The following PCSK5 variants were observed in gnomAD, a reference collection of about 807,000 sequenced individuals.
PCSK5 encodes proprotein convertase subtilisin/kexin type 5, also known as prohormone convertase 5.
A neutral mutation model predicts 233.2 loss-of-function variants in PCSK5; 129 were observed. That is an observed-to-expected ratio of 0.55 (90% CI 0.48 to 0.64). The LOEUF is 0.64. PCSK5 is among the 30% of genes least tolerant of loss of function. PCSK5 has a pLI of 0.00. For missense variants in PCSK5, 2,076 were observed against 2,430.1 expected (o/e 0.85, Z 3.06); for synonymous variants, 825 against 879.2 (o/e 0.94, Z 1.09).
chr9:76,320,599 G>A (rs532794397), intron 30 of PCSK5, among the ~76,000 whole-genome samples: 11 of 144,726 alleles, frequency 7.6e-5, no homozygotes, highest in East Asian at 2.2e-4. Context: ...TCAGCCTCCC[G>A]AGTAGCTGGG....
At chr9:75,896,077 C>T (rs1825788546) in intron 1 of PCSK5, among the ~76,000 whole-genome samples, 1 of 152,150 alleles carries the variant, frequency 6.6e-6, no homozygotes. Context: ...TGTGATATAT[C>T]TGGCTTTGCA....
rs187585763 is a variant in PCSK5, at chr9:75,902,989, T to C, written c.192+11616T>C. On this transcript the variant is annotated intron_variant, in intron 1 of 37. Transcript: ENST00000674117. ...AATATTTAAGGATGATTTTTTAAAA[T>C]GGTCTATACTATCTCACATTTTAGG... Among the ~76,000 whole-genome samples the C allele has an allele frequency of 2.6e-5, 4 of 152,370 alleles. No individual in the cohort carries two copies. The East Asian group carries it at 5.8e-4, about 22-fold the overall frequency.
rs757550088 is a variant in PCSK5, at chr9:76,040,325, GTCTCTCTCTCTCTC to G, written c.632+13334_632+13347del. ...TCTCACTCCCTTAGATGTGTTCTCT[GTCTCTCTCTCTCTC>G]TCTCTCTCTCTCTCTCTCTCTCTCT... On this transcript the variant is annotated intron_variant, in intron 5 of 37. Transcript: ENST00000674117. Among the ~76,000 whole-genome samples the G allele has an allele frequency of 7.8e-3, 618 of 78,994 alleles. 3 individuals are homozygous for G. The highest frequency in any genetic ancestry group is 0.019 in the African/African-American group (464 of 23,850). The allele number at this position is 78,994 out of a possible 152,430, so 51.8% of individuals were successfully genotyped here. A position where few individuals can be genotyped will look rare whatever the true frequency, so the allele number is the denominator to read the frequency against.
chr9:75,962,990 C>G (rs1326142772), intron 2 of PCSK5, among the ~76,000 whole-genome samples: 1 of 152,204 alleles, frequency 6.6e-6, no homozygotes, highest in Non-Finnish European at 1.5e-5. Context: ...AGAATGAAAC[C>G]TGAGTCCCAG....
chr9:76,303,547 A>G (rs1365192845), intron 28 of PCSK5, among the ~76,000 whole-genome samples: 1 of 152,224 alleles, frequency 6.6e-6, no homozygotes, highest in Non-Finnish European at 1.5e-5. Context: ...TGAAGCCTGG[A>G]CATAGAACAT....
At chr9:75,929,645 C>T (rs1823685919) in intron 1 of PCSK5, among the ~76,000 whole-genome samples, 1 of 151,716 alleles carries the variant, frequency 6.6e-6, no homozygotes, top group African/African-American at 2.4e-5. Flanking sequence ...GCCATCATAG[C>T]TAGTGTATTA....
chr9:75,911,339 GTC>G (rs975830446), intron 1 of PCSK5, among the ~76,000 whole-genome samples: 1 of 147,724 alleles, frequency 6.8e-6, no homozygotes, highest in African/African-American at 2.5e-5. Flanking sequence ...CCACTTTGTA[GTC>G]TCTCACCTGT....
intron 24 of PCSK5, among the ~76,000 whole-genome samples, chr9:76,241,190 C>A (rs1813423): frequency 0.53 from 80,591 of 152,046 alleles, 21,920 homozygotes; most frequent in East Asian, 0.75. Flanking sequence ...GCCTGTAATC[C>A]CAGCACTTTG....
intron 5 of PCSK5, among the ~76,000 whole-genome samples, chr9:76,058,022 A>AT (rs1829886391): frequency 6.6e-6 from 1 of 151,632 alleles, no homozygotes; most frequent in Admixed American, 6.6e-5. Context: ...TTATTTATTT[A>AT]TTTTTTTGTA....
intron 6 of PCSK5, among the ~76,000 whole-genome samples, chr9:76,069,902 A>C (rs1830422631): frequency 6.6e-6 from 1 of 152,158 alleles, no homozygotes; most frequent in East Asian, 1.9e-4. Context: ...ATTTAAATTA[A>C]ATTAAACCAG....
In PCSK5 at chr9:76,320,243, G is replaced by A. The variant is rs539213241; in HGVS notation, c.3885-1179G>A. ...CCCTACAGACCATCCTGGCTAACACGGTGAAACCCCGTATCTACTAAAAAA... is the reference window on the plus strand; with the variant it reads ...CCCTACAGACCATCCTGGCTAACACAGTGAAACCCCGTATCTACTAAAAAA... On this transcript the variant is annotated intron_variant, in intron 30 of 37. Transcript: ENST00000674117. Among the ~76,000 whole-genome samples the A allele has an allele frequency of 4.6e-5, 7 of 151,820 alleles. No homozygotes were observed. The East Asian group carries it at 1.2e-3, about 26-fold the overall frequency.
chr9:76,134,032 T>C, intron 9 of PCSK5, 77 bp from the exon 10 acceptor site: 2 of 1,027,020 alleles, frequency 1.9e-6, no homozygotes, highest in South Asian at 2.9e-5. Flanking sequence ...TTTTGCTTTT[T>C]TAATTTGCTT....
chr9:76,315,641 A>ATTTTTTTTTTTTTTT (rs777066898), intron 30 of PCSK5, among the ~76,000 whole-genome samples: 1 of 139,102 alleles, frequency 7.2e-6, no homozygotes, highest in African/African-American at 2.8e-5. Context: ...GGAGAAGACT[A>ATTTTTTTTTTTTTTT]CTTTTTTTTT....
At chr9:76,236,323 A>AC (rs1413886170) in intron 22 of PCSK5, among the ~76,000 whole-genome samples, 1 of 151,960 alleles carries the variant, frequency 6.6e-6, no homozygotes, top group African/African-American at 2.4e-5. Context: ...CCACTTTCTC[A>AC]CCTAACAGAA....
At chr9:76,063,411 A>G (rs1472408037) in intron 5 of PCSK5, among the ~76,000 whole-genome samples, 5 of 90,626 alleles carry the variant, frequency 5.5e-5, no homozygotes, top group African/African-American at 2.2e-4. Flanking sequence ...ACAATAGTGG[A>G]GGGAAGGTCA....
In PCSK5 at chr9:76,157,951, G is replaced by C. The variant is rs555516656; in HGVS notation, c.1430+789G>C. ...TCCTCTTGAAGCTGTGTAACAACTT[G>C]GGTATTATTCTCATTTGAAAAATGT... On this transcript the variant is annotated intron_variant, in intron 11 of 37. Coordinates refer to ENST00000674117, the MANE Select transcript of PCSK5 (RefSeq NM_001372043.1). Among the ~76,000 whole-genome samples the C allele has an allele frequency of 2.0e-5, 3 of 152,244 alleles. No homozygotes were observed. In the South Asian group the frequency reaches 6.2e-4, roughly 32 times the overall value.
At chr9:76,144,439 G>A (rs1823359073) in intron 10 of PCSK5, among the ~76,000 whole-genome samples, 1 of 152,186 alleles carries the variant, frequency 6.6e-6, no homozygotes, top group African/African-American at 2.4e-5. Context: ...CTAAAAACAT[G>A]AGAAATGTCT....
At chr9:76,314,634 A>G (rs562521642) in intron 30 of PCSK5, among the ~76,000 whole-genome samples, 1 of 152,072 alleles carries the variant, frequency 6.6e-6, no homozygotes, top group Non-Finnish European at 1.5e-5. Context: ...TTCATGAAAA[A>G]AAAAAGTGTT....
chr9:76,228,200 T>C (rs1825960397), intron 21 of PCSK5, among the ~76,000 whole-genome samples: 1 of 151,954 alleles, frequency 6.6e-6, no homozygotes, highest in African/African-American at 2.4e-5. Flanking sequence ...CTATGTCTGC[T>C]TCCTCTCCTA....
Sources: gnomAD v4.1 joint callset for allele counts (sites outside exome capture counted in the v4.1 genomes callset) on GRCh38, gnomAD v4.1.1 for gene constraint, MANE v1.5 for transcripts, NCBI Gene and HGNC (gene_info 2026-07-23, HGNC 2026-07-21) for gene names.